ZBTB16: variants seen among roughly 807,000 people sequenced by gnomAD.
ZBTB16 encodes the protein zinc finger and BTB domain containing 16, also known as zinc finger and BTB domain-containing protein 16.
A neutral mutation model predicts 56.8 loss-of-function variants in ZBTB16; 8 were observed. The observed-to-expected ratio is 0.14, with a 90% confidence interval of 0.08 to 0.25. ZBTB16 has a LOEUF of 0.25. ZBTB16 is among the 10% of genes least tolerant of loss of function. The pLI is 1.00. For synonymous variants in ZBTB16, 363 were observed against 368.5 expected (o/e 0.98, Z 0.17); for missense variants, 625 against 903.0 (o/e 0.69, Z 3.95).
intron 3 of ZBTB16, among the ~76,000 whole-genome samples, chr11:114,166,436 G>A (rs513039): frequency 0.3 from 45,109 of 151,650 alleles, 7,265 homozygotes; most frequent in African/African-American, 0.44. Flanking sequence ...CTAGAAATCG[G>A]GGACACAGTC....
chr11:114,235,486 A>C (rs1235042773), intron 4 of ZBTB16, among the ~76,000 whole-genome samples: 1 of 152,208 alleles, frequency 6.6e-6, no homozygotes, highest in East Asian at 1.9e-4. Context: ...AGGTGTAAAC[A>C]TGAGGGGTTT....
chr11:114,247,337 G>A lies in ZBTB16; in HGVS notation c.1764G>A (p.Gln588=). The change falls in exon 6 of 7, where the codon CAG becomes CAA. Residue 588 remains glutamine, a synonymous_variant. Coordinates refer to ENST00000335953, the MANE Select transcript of ZBTB16 (RefSeq NM_006006.6). ...GCGKKFSLKH[Q]LETHYRVHTG... Reference sequence around the variant, plus strand: ...GCAAGAAGTTCAGCCTCAAGCATCAGCTGGAGACGCACTATAGGGTGCACA... The same window carrying A: ...GCAAGAAGTTCAGCCTCAAGCATCAACTGGAGACGCACTATAGGGTGCACA... 6.2e-7 allele frequency: 1 copy of A among 1,614,280 alleles called. No individual in the cohort carries two copies. Among genetic ancestry groups the A allele is most frequent in the Non-Finnish European group, 8.5e-7 (1 of 1,180,056 alleles).
chr11:114,176,935 C>T (rs1452449409), intron 3 of ZBTB16, among the ~76,000 whole-genome samples: 3 of 152,142 alleles, frequency 2.0e-5, no homozygotes, highest in Non-Finnish European at 2.9e-5. Context: ...ATCATGTATA[C>T]GAGAGCCTTA....
intron 2 of ZBTB16, among the ~76,000 whole-genome samples, chr11:114,117,573 G>A (rs995181218): frequency 1.3e-5 from 2 of 152,102 alleles, no homozygotes; most frequent in Admixed American, 6.6e-5. Context: ...TGAGACTCCT[G>A]AGGTTTTGGC....
chr11:114,138,133 G>A (rs979935549), intron 2 of ZBTB16, among the ~76,000 whole-genome samples: 4 of 152,330 alleles, frequency 2.6e-5, no homozygotes, highest in Admixed American at 2.0e-4. Flanking sequence ...AGGGAGGGCA[G>A]GAGGACCAGT....
Position 114,077,961 on chromosome 11 carries a change from T to C in ZBTB16, c.1268+13393T>C, listed in dbSNP as rs994124788. Among the ~76,000 whole-genome samples, 6 of 152,294 alleles carry C rather than the reference T, an allele frequency of 3.9e-5. No homozygotes were observed. In the East Asian group the frequency reaches 5.8e-4, roughly 15 times the overall value. ...AACAACCTATGAGGAGTAGATTACTTGATAAATGCCAGTTTTTCCAATATG... is the reference window on the plus strand; with the variant it reads ...AACAACCTATGAGGAGTAGATTACTCGATAAATGCCAGTTTTTCCAATATG... On this transcript the variant is annotated intron_variant, in intron 2 of 6. Transcript: ENST00000335953.
Position 114,252,821 on chromosome 11 carries a change from A to G in ZBTB16, c.*2266A>G, listed in dbSNP as rs959123510. On this transcript the variant is annotated 3_prime_UTR_variant, in exon 7 of 7. Coordinates refer to ENST00000335953, the MANE Select transcript of ZBTB16 (RefSeq NM_006006.6). ...CCCAGCCCTCCTGCCCTCCCCTTCA[A>G]TCTCATCCACCAAATCTGAAGGCCT... Among the ~76,000 whole-genome samples the G allele has an allele frequency of 1.1e-4, 17 of 152,076 alleles. No individual in the cohort carries two copies. Among genetic ancestry groups the G allele is most frequent in the African/African-American group, 4.1e-4 (17 of 41,492 alleles).
intron 2 of ZBTB16, among the ~76,000 whole-genome samples, chr11:114,135,460 C>T (rs1432314552): frequency 1.3e-5 from 2 of 152,124 alleles, no homozygotes; most frequent in African/African-American, 2.4e-5. Flanking sequence ...ACCAACATAA[C>T]CTCAACGGTC....
At chr11:114,162,362 TG>T (rs2134978796) in intron 3 of ZBTB16, among the ~76,000 whole-genome samples, 1 of 152,312 alleles carries the variant, frequency 6.6e-6, no homozygotes, top group Admixed American at 6.5e-5. Flanking sequence ...ACAGAGAAGA[TG>T]GGGGAAGAGA....
chr11:114,244,837 C>A (rs1264256921), intron 5 of ZBTB16, among the ~76,000 whole-genome samples: 1 of 152,144 alleles, frequency 6.6e-6, no homozygotes, highest in Admixed American at 6.5e-5. Flanking sequence ...AAGGCACAGG[C>A]AGCCGCCCCC....
At position 114,063,757 on chromosome 11, in the gene ZBTB16, C is replaced by G. The variant is rs200811309; in HGVS notation, c.457C>G (p.Leu153Val). 1.1e-4 allele frequency: 174 copies of G among 1,614,022 alleles called. 3 individuals carry two copies. In the East Asian group the frequency reaches 3.8e-3, roughly 35 times the overall value. Residue 153 changes from leucine to valine, a missense_variant, in exon 2 of 7, where the codon CTC becomes GTC. Transcript: ENST00000335953. This position sits in a 1 kb window ranked among gnomAD's most constrained non-coding sequence, Gnocchi z 6.5. ...EEEEDRKARY[L>V]KNIFISKHSS... ...AGAAGAGGACCGCAAGGCTCGGTAC[C>G]TCAAGAACATCTTCATCTCGAAGCA...
chr11:114,238,292 G>A (rs911583444), intron 4 of ZBTB16, among the ~76,000 whole-genome samples: 6 of 152,296 alleles, frequency 3.9e-5, no homozygotes, highest in East Asian at 1.9e-4. Context: ...AGGTCAGATC[G>A]TGCTAGCACC....
chr11:114,241,082 G>A (rs1444792408), intron 4 of ZBTB16, among the ~76,000 whole-genome samples: 1 of 152,144 alleles, frequency 6.6e-6, no homozygotes, highest in South Asian at 2.1e-4. Flanking sequence ...GGTGTTCTGG[G>A]TAACGTCGGT....
rs1469028398 is a variant in ZBTB16, at chr11:114,252,524, A to G, written c.*1969A>G. 4.1e-5 allele frequency among the ~76,000 whole-genome samples: 6 copies of G among 145,448 alleles called. No homozygotes were observed. The highest frequency in any genetic ancestry group is 7.7e-5 in the African/African-American group (3 of 38,802). The stretch of plus-strand genomic sequence containing the variant: ...CTGCTCTTCCTCCCTCTTTTCCCCA[A>G]CCTCCCCCGACCCTCCTGAATTTTG... On this transcript the variant is annotated 3_prime_UTR_variant, in exon 7 of 7. Coordinates refer to ENST00000335953, the MANE Select transcript of ZBTB16 (RefSeq NM_006006.6).
chr11:114,233,125 A>ACACACACACT (rs1443230792), intron 4 of ZBTB16, among the ~76,000 whole-genome samples: 13 of 54,776 alleles, frequency 2.4e-4, no homozygotes, highest in African/African-American at 6.7e-4. Context: ...ACACACACAC[A>ACACACACACT]CTCTCTCTCT....
At chr11:114,169,166 C>A (rs1257045038) in intron 3 of ZBTB16, among the ~76,000 whole-genome samples, 1 of 152,172 alleles carries the variant, frequency 6.6e-6, no homozygotes, top group Non-Finnish European at 1.5e-5. Flanking sequence ...CTGGTAGATG[C>A]ACCCTGTGAT....
At chr11:114,167,459 T>C (rs1942816793) in intron 3 of ZBTB16, among the ~76,000 whole-genome samples, 1 of 148,230 alleles carries the variant, frequency 6.7e-6, no homozygotes, top group Non-Finnish European at 1.5e-5. Flanking sequence ...ATAGATGCCT[T>C]GAGGTATTAT....
At chr11:114,167,231 G>GTTTTTTTTTTTTTTT (rs1565663129) in intron 3 of ZBTB16, among the ~76,000 whole-genome samples, 4 of 43,164 alleles carry the variant, frequency 9.3e-5, no homozygotes, top group East Asian at 1.2e-3. Flanking sequence ...TTTTTTTTTT[G>GTTTTTTTTTTTTTTT]GTTTTTTTTT....
At chr11:114,196,474 T>A (rs965251732) in intron 4 of ZBTB16, among the ~76,000 whole-genome samples, 2 of 152,154 alleles carry the variant, frequency 1.3e-5, no homozygotes, top group African/African-American at 4.8e-5. Context: ...CCCAGGGTAC[T>A]AGGTTGAACT....
Sources: allele counts gnomAD v4.1 joint callset (sites outside exome capture counted in the v4.1 genomes callset), GRCh38; gene constraint gnomAD v4.1.1; non-coding constraint Gnocchi (gnomAD v3.1); transcripts MANE v1.5; gene names NCBI Gene and HGNC (gene_info 2026-07-23, HGNC 2026-07-21).